Variants in DSC3 observed in about 807,000 individuals in gnomAD.
The protein encoded by DSC3 is desmocollin-3.
In DSC3, 97 loss-of-function variants were observed where a neutral mutation model predicts 89.5. That is an observed-to-expected ratio of 1.08 (90% CI 0.92 to 1.28). DSC3 has a LOEUF of 1.28. DSC3 is among the 50% of genes most tolerant of loss of function. The probability of loss-of-function intolerance (pLI) is 0.00; values close to 1 mark genes in which losing one functional copy is unlikely to be tolerated. For synonymous variants in DSC3, 436 were observed against 384.1 expected (o/e 1.14, Z -1.58); for missense variants, 1,199 against 1,085.3 (o/e 1.10, Z -1.47).
At chr18:31,019,031 G>T (rs1985330628) in intron 7 of DSC3, among the ~76,000 whole-genome samples, 1 of 152,224 alleles carries the variant, frequency 6.6e-6, no homozygotes, top group South Asian at 2.1e-4. Flanking sequence ...TATGCTTTAA[G>T]TAACAGGTAA....
Position 31,018,889 on chromosome 18 carries a change from T to C in DSC3, c.943-89A>G. ...TCAATTGCACACTCACTCACTCACA[T>C]ACACACACATCTGTGTGTTTCCGTG... On this transcript the variant is annotated intron_variant, in intron 7 of 15. Coordinates refer to ENST00000360428, the MANE Select transcript of DSC3 (RefSeq NM_001941.5). 6.8e-6 allele frequency: 8 copies of C among 1,168,770 alleles called. No homozygotes were observed. The South Asian group carries it at 1.0e-4, about 15-fold the overall frequency. 72.4% of individuals were successfully genotyped at this position (1,168,770 alleles called of 1,614,324 possible).
rs1228703796 is a variant in DSC3 at position 30,991,406 on chromosome 18, GA to G, written c.*2768del. The G allele has an allele frequency of 2.6e-5, 4 of 152,496 alleles. No homozygotes were observed. The highest frequency in any genetic ancestry group is 9.7e-5 in the African/African-American group (4 of 41,420). The allele number at this position is 152,496 out of a possible 1,614,324, so 9.4% of individuals were successfully genotyped here. ...AAGGAAATAATAATACTACATATGT[GA>G]AAATATAGAAATGAATCCCTAAAAT... is the stretch of plus-strand genomic sequence containing the variant. On this transcript the variant is annotated 3_prime_UTR_variant, in exon 16 of 16. Coordinates refer to ENST00000360428, the MANE Select transcript of DSC3 (RefSeq NM_001941.5).
Position 31,022,377 on chromosome 18 carries a change from T to C in DSC3, c.901A>G (p.Thr301Ala), listed in dbSNP as rs1489761155. 1 of 1,613,978 alleles carries C rather than the reference T, an allele frequency of 6.2e-7. No individual in the cohort carries two copies. Among genetic ancestry groups the C allele is most frequent in the Non-Finnish European group, 8.5e-7 (1 of 1,179,980 alleles). Residue 301 changes from threonine (T) to alanine (A), a missense_variant, in exon 7 of 16, where the codon ACA becomes GCA. Transcript: ENST00000360428. ...TGAGAGACTGTGGTGATTACGCCTG[T>C]GCTGGGATGCACAGAAAAGAGCCCA... ...SPGLFSVHPS[T>A]GVITTVSHYL... is the part of the protein sequence containing the mutation.
At chr18:31,038,785 T>G (rs975191574) in intron 1 of DSC3, among the ~76,000 whole-genome samples, 1 of 152,070 alleles carries the variant, frequency 6.6e-6, no homozygotes, top group African/African-American at 2.4e-5. Context: ...AATGGAACAT[T>G]ACTAATATTT....
In DSC3 at chr18:31,008,404, A is replaced by G. The variant is rs1280367899; in HGVS notation, c.1385T>C (p.Val462Ala). Residue 462 changes from valine (V) to alanine (A), a missense_variant, in exon 10 of 16, where the codon GTG becomes GCG. By Grantham distance (64) the Val-to-Ala change is moderately conservative. Transcript: ENST00000360428. ...ALNRALVTVH[V>A]RDLDEGPECT... ...TTCAGGCCCCTCATCCAGATCCCTCACATGAACTGTAACCAAGGCTCTGTT... is the reference window on the plus strand; with the variant it reads ...TTCAGGCCCCTCATCCAGATCCCTCGCATGAACTGTAACCAAGGCTCTGTT... 1 of 1,614,150 alleles carries G rather than the reference A, an allele frequency of 6.2e-7. No homozygotes were observed. Among genetic ancestry groups the G allele is most frequent in the East Asian group, 2.2e-5 (1 of 44,872 alleles).
intron 1 of DSC3, among the ~76,000 whole-genome samples, chr18:31,042,276 G>A (rs1332979826): frequency 6.6e-6 from 1 of 152,184 alleles, no homozygotes; most frequent in Non-Finnish European, 1.5e-5. Context: ...CACCTGGGGA[G>A]AAGCGTGAAT....
intron 4 of DSC3, among the ~76,000 whole-genome samples, chr18:31,027,039 C>T (rs1985620256): frequency 6.6e-6 from 1 of 152,048 alleles, no homozygotes; most frequent in Non-Finnish European, 1.5e-5. Context: ...GTTTAAGCCA[C>T]TAGTAATTGG....
rs1004157655 is a variant in DSC3 at position 31,003,271 on chromosome 18, G to A, written c.2113+871C>T. On this transcript the variant is annotated intron_variant, in intron 13 of 15. Transcript: ENST00000360428. ...TTGCCTCTCTTTTTTTTCCTCCATAGCATTTAATTTATTCATTAACTGTCA... is the reference window on the plus strand; with the variant it reads ...TTGCCTCTCTTTTTTTTCCTCCATAACATTTAATTTATTCATTAACTGTCA... Among the ~76,000 whole-genome samples, 5 of 152,138 alleles carry A rather than the reference G, an allele frequency of 3.3e-5. No individual in the cohort carries two copies. The East Asian group carries it at 7.7e-4, about 24-fold the overall frequency.
intron 4 of DSC3, among the ~76,000 whole-genome samples, chr18:31,028,388 G>C (rs1985672625): frequency 6.6e-6 from 1 of 152,152 alleles, no homozygotes; most frequent in Non-Finnish European, 1.5e-5. Flanking sequence ...TGAGGACTAA[G>C]ATGGTGACTG....
In DSC3 at chr18:31,015,910, G is replaced by A. The variant is rs182475237; in HGVS notation, c.1263+2161C>T. ...CTGCTGATTAAAACAGAATCTCATC[G>A]AAACAGTATGCAGTCAAGAAACCAG... is the stretch of plus-strand genomic sequence containing the variant. On this transcript the variant is annotated intron_variant, in intron 9 of 15. Coordinates refer to ENST00000360428, the MANE Select transcript of DSC3 (RefSeq NM_001941.5). 6.5e-3 allele frequency among the ~76,000 whole-genome samples: 995 copies of A among 152,244 alleles called. 12 individuals are homozygous for A. The highest frequency in any genetic ancestry group is 9.2e-3 in the Non-Finnish European group (628 of 68,020).
rs1567946240 is a variant in DSC3, at chr18:30,992,997, A to T, written c.*1178T>A. Reference sequence around the variant, plus strand: ...ATCAGGTGTCAAGTTTGTGGGGCTTAGGTTTAAGGACAATCAATCTCCCCA... The same window carrying T: ...ATCAGGTGTCAAGTTTGTGGGGCTTTGGTTTAAGGACAATCAATCTCCCCA... On this transcript the variant is annotated 3_prime_UTR_variant, in exon 16 of 16. Coordinates refer to ENST00000360428, the MANE Select transcript of DSC3 (RefSeq NM_001941.5). 6.6e-6 allele frequency: 1 copy of T among 152,182 alleles called. No homozygotes were observed. The highest frequency in any genetic ancestry group is 1.5e-5 in the Non-Finnish European group (1 of 68,038). 9.4% of individuals were successfully genotyped at this position (152,182 alleles called of 1,614,324 possible).
intron 12 of DSC3, 86 bp downstream of exon 12, chr18:31,006,821 A>G (rs2144689796): frequency 9.1e-7 from 1 of 1,094,928 alleles, no homozygotes; most frequent in Non-Finnish European, 1.4e-6. Context: ...GTTTTACTTC[A>G]TGCTTTGTGT....
chr18:31,001,503 T>G (rs1984657802), intron 14 of DSC3, 115 bp downstream of exon 14: 1 of 1,223,240 alleles, frequency 8.2e-7, no homozygotes, highest in African/African-American at 1.5e-5. Flanking sequence ...TATCTATGCC[T>G]ATGAAATCTG....
intron 6 of DSC3, among the ~76,000 whole-genome samples, chr18:31,023,014 C>T (rs920248804): frequency 1.3e-5 from 2 of 151,992 alleles, no homozygotes; most frequent in Non-Finnish European, 1.5e-5. Context: ...TTTAATAAAC[C>T]GGTTTAGTAT....
At chr18:30,999,044 T>C (rs910309326) in intron 14 of DSC3, among the ~76,000 whole-genome samples, 4 of 152,098 alleles carry the variant, frequency 2.6e-5, no homozygotes, top group Non-Finnish European at 5.9e-5. Flanking sequence ...AATGAAAAAG[T>C]CTTCATTAAA....
rs1239544790 is a variant in DSC3 at position 31,008,352 on chromosome 18, C to T, written c.1437G>A (p.Arg479=). 6.2e-7 allele frequency: 1 copy of T among 1,614,088 alleles called. No homozygotes were observed. The highest frequency in any genetic ancestry group is 8.5e-7 in the Non-Finnish European group (1 of 1,180,010). The change falls in exon 10 of 16, where the codon CGG becomes CGA. Residue 479 remains arginine, a synonymous_variant. Transcript: ENST00000360428. ...ACCCCACTGCTAAGTTTTCTTTAAT[C>T]CGCACATATTGGGCTGCAGGAGTGC... The part of the protein sequence containing the change: ...PECTPAAQYV[R]IKENLAVGSK...
Position 30,990,266 on chromosome 18 carries a change from G to A in DSC3, c.*3909C>T, listed in dbSNP as rs1402034139. The A allele has an allele frequency of 6.6e-6, 1 of 152,138 alleles. No individual in the cohort carries two copies. The highest frequency in any genetic ancestry group is 1.5e-5 in the Non-Finnish European group (1 of 68,004). 9.4% of individuals were successfully genotyped at this position (152,138 alleles called of 1,614,324 possible). A position where few individuals can be genotyped will look rare whatever the true frequency, so the allele number is the denominator to read the frequency against. ...TAAGTAGCCTTTCAAAGGTCACACAGAAGTAAGTGACAGATCCAGGATTCA... is the reference window on the plus strand; with the variant it reads ...TAAGTAGCCTTTCAAAGGTCACACAAAAGTAAGTGACAGATCCAGGATTCA... On this transcript the variant is annotated 3_prime_UTR_variant, in exon 16 of 16. Coordinates refer to ENST00000360428, the MANE Select transcript of DSC3 (RefSeq NM_001941.5).
intron 3 of DSC3, among the ~76,000 whole-genome samples, chr18:31,030,637 G>C (rs1567960747): frequency 6.6e-6 from 1 of 151,754 alleles, no homozygotes; most frequent in Non-Finnish European, 1.5e-5. Flanking sequence ...AGTTCAACAA[G>C]TGTTAAGAAA....
chr18:31,011,774 C>T (rs1181208635), intron 9 of DSC3, among the ~76,000 whole-genome samples: 1 of 151,836 alleles, frequency 6.6e-6, no homozygotes, highest in Non-Finnish European at 1.5e-5. Context: ...GGGCGGATTG[C>T]CTGAGCTCAG....
Sources: gnomAD v4.1 joint callset for allele counts (sites outside exome capture counted in the v4.1 genomes callset) on GRCh38, gnomAD v4.1.1 for gene constraint, MANE v1.5 for transcripts, NCBI Gene and HGNC (gene_info 2026-07-23, HGNC 2026-07-21) for gene names.